GUCY2C: variants seen among roughly 807,000 people sequenced by gnomAD.
GUCY2C encodes the protein guanylyl cyclase C.
GUCY2C carries 118 observed loss-of-function variants against 131.1 expected under a neutral mutation model. The observed-to-expected ratio is 0.90, with a 90% CI of 0.78 to 1.05. The LOEUF (loss-of-function observed/expected upper bound fraction) is 1.05, where lower values mean the gene tolerates loss of function less well. Among genes scored for constraint, GUCY2C ranks in the 50% least tolerant of loss-of-function variants. The pLI, the probability that GUCY2C is intolerant of heterozygous loss-of-function variation, is 0.00. For synonymous variants in GUCY2C, 452 were observed against 457.8 expected (o/e 0.99, Z 0.16); for missense variants, 1,161 against 1,304.4 (o/e 0.89, Z 1.69).
chr12:14,636,021 C>A (rs1023129960), intron 19 of GUCY2C, among the ~76,000 whole-genome samples: 2 of 152,056 alleles, frequency 1.3e-5, no homozygotes, highest in African/African-American at 4.8e-5. Context: ...CTGAATTATG[C>A]CAAACTTCCA....
chr12:14,616,783 C>G, intron 24 of GUCY2C, 56 bp from the exon 25 acceptor site: 5 of 949,082 alleles, frequency 5.3e-6, no homozygotes, highest in Non-Finnish European at 7.0e-6. Context: ...CTATTTGTTT[C>G]CCGTTGATTC....
At position 14,621,129 on chromosome 12, in the gene GUCY2C, C is replaced by T. The variant is rs1946887467; in HGVS notation, c.2689G>A (p.Ala897Thr). 6.2e-7 allele frequency: 1 copy of T among 1,613,504 alleles called. No individual in the cohort carries two copies. Among genetic ancestry groups the T allele is most frequent in the Non-Finnish European group, 8.5e-7 (1 of 1,179,474 alleles). ...CCCATGAAGCTGAGGATTTCCAAGG[C>T]CATCTTGGCAATGTCTATTGCATGC... Reference protein sequence around the residue: ...NRHAIDIAKMALEILSFMGTF... With the variant: ...NRHAIDIAKMTLEILSFMGTF... Residue 897 changes from alanine (A) to threonine (T), a missense_variant, in exon 23 of 27, where the codon GCC (alanine) becomes ACC (threonine). Coordinates refer to ENST00000261170, the MANE Select transcript of GUCY2C (RefSeq NM_004963.4).
intron 6 of GUCY2C, 22 bp downstream of exon 6, chr12:14,679,635 T>C: frequency 8.5e-7 from 1 of 1,183,428 alleles, no homozygotes; most frequent in South Asian, 1.2e-5. Context: ...AGGAGGAGGG[T>C]TTTTCCAAAT....
chr12:14,678,695 C>T (rs540907131), intron 6 of GUCY2C, among the ~76,000 whole-genome samples: 2 of 152,242 alleles, frequency 1.3e-5, no homozygotes, highest in African/African-American at 4.8e-5. Flanking sequence ...AAGATCTAGA[C>T]AGGAGCAGCC....
In GUCY2C at chr12:14,661,021, C is replaced by A; in HGVS notation, c.1324G>T (p.Ala442Ser). ...GCGACGAGCAGGAGCAGCACCACAG[C>A]TCCAGTGAGGGTGAAGACTGCAATC... The part of the protein sequence containing the change: ...LMIAVFTLTG[A>S]VVLLLLVALL... Residue 442 changes from alanine to serine, a missense_variant, in exon 11 of 27, where the codon GCT (alanine) becomes TCT (serine). Physicochemically the swap from Ala to Ser is moderately conservative, Grantham distance 99. Transcript: ENST00000261170. 6 of 1,613,526 alleles carry A rather than the reference C, an allele frequency of 3.7e-6. No homozygotes were observed. Among genetic ancestry groups the A allele is most frequent in the Non-Finnish European group, 5.1e-6 (6 of 1,179,472 alleles).
At chr12:14,675,207 CAAAAAA>C (rs35870014) in intron 7 of GUCY2C, among the ~76,000 whole-genome samples, 2 of 34,788 alleles carry the variant, frequency 5.7e-5, no homozygotes, top group East Asian at 8.9e-4. Context: ...AACTCCATCT[CAAAAAA>C]AAAAAAAAAA....
chr12:14,676,396 T>C (rs1193603812), intron 7 of GUCY2C, among the ~76,000 whole-genome samples: 1 of 152,232 alleles, frequency 6.6e-6, no homozygotes, highest in African/African-American at 2.4e-5. Context: ...TGGAAGACAA[T>C]GTCTTAACCT....
At position 14,642,314 on chromosome 12, in the gene GUCY2C, T is replaced by C. The variant is rs141983817; in HGVS notation, c.1931-1095A>G. The stretch of plus-strand genomic sequence containing the variant: ...AGTTTTGAATCCTTATTACACACCT[T>C]ATTTAGTAATAACGGGCATGCAATT... On this transcript the variant is annotated intron_variant, in intron 17 of 26. Coordinates refer to ENST00000261170, the MANE Select transcript of GUCY2C (RefSeq NM_004963.4). Among the ~76,000 whole-genome samples, 154 of 152,338 alleles carry C rather than the reference T, an allele frequency of 1.0e-3. 1 individual carries two copies. The highest frequency in any genetic ancestry group is 3.6e-3 in the African/African-American group (150 of 41,570).
In GUCY2C at chr12:14,641,128, G is replaced by A. The variant is rs10772800; in HGVS notation, c.2022C>T (p.Ile674=). 1,551,643 of 1,613,586 alleles carry A rather than the reference G, an allele frequency of 0.96. 755,917 individuals are homozygous for A. The highest frequency in any genetic ancestry group is 0.99 in the Non-Finnish European group (1,167,330 of 1,179,900). ...YSYGIIAQEI[I]LRKETFYTLS... The stretch of plus-strand genomic sequence containing the variant: ...AAGTGTAGAAGGTTTCTTTCCGCAG[G>A]ATGATCTCCTGTGCGATGATCCCAT... Residue 674 remains isoleucine, a synonymous_variant, in exon 18 of 27, where the codon ATC becomes ATT. Transcript: ENST00000261170.
intron 11 of GUCY2C, among the ~76,000 whole-genome samples, chr12:14,659,552 G>T (rs189910049): frequency 2.0e-5 from 3 of 152,188 alleles, no homozygotes; most frequent in Non-Finnish European, 4.4e-5. Flanking sequence ...TATTCTCTTT[G>T]TATGCTTCCA....
chr12:14,668,778 C>T (rs974780495), intron 10 of GUCY2C, among the ~76,000 whole-genome samples: 4 of 152,060 alleles, frequency 2.6e-5, no homozygotes, highest in Non-Finnish European at 4.4e-5. Flanking sequence ...CCTGAGGCCT[C>T]GTTGCCCAGG....
chr12:14,617,134 T>G (rs190980212), intron 24 of GUCY2C, among the ~76,000 whole-genome samples: 1 of 152,276 alleles, frequency 6.6e-6, no homozygotes, highest in African/African-American at 2.4e-5. Context: ...TGCTCCTGCT[T>G]TGTCTTCTGC....
At chr12:14,683,822 C>T (rs1948402822) in intron 3 of GUCY2C, among the ~76,000 whole-genome samples, 1 of 152,182 alleles carries the variant, frequency 6.6e-6, no homozygotes, top group East Asian at 1.9e-4. Context: ...TCAGAATTCT[C>T]TTTCATTTCT....
In GUCY2C at chr12:14,621,069, T is replaced by C. The variant is rs1592076541; in HGVS notation, c.2749A>G (p.Ile917Val). 1 of 1,613,952 alleles carries C rather than the reference T, an allele frequency of 6.2e-7. No individual in the cohort carries two copies. ...GAGTGAACTCCAATGCGAATCCATATTGGGAGGCCAGGAAGATGCTCCAGC... is the reference window on the plus strand; with the variant it reads ...GAGTGAACTCCAATGCGAATCCATACTGGGAGGCCAGGAAGATGCTCCAGC... ...FELEHLPGLPIWIRIGVHSGP... is the reference protein window; with the variant it reads ...FELEHLPGLPVWIRIGVHSGP... Residue 917 changes from isoleucine (I) to valine (V), a missense_variant, in exon 23 of 27, where the codon ATA becomes GTA. Transcript: ENST00000261170.
chr12:14,682,148 CTT>C lies in GUCY2C; in HGVS notation c.612-673_612-672del, dbSNP rs1322140276. Among the ~76,000 whole-genome samples, 12 of 152,232 alleles carry C rather than the reference CTT, an allele frequency of 7.9e-5. No individual in the cohort carries two copies. The East Asian group carries it at 2.3e-3, about 29-fold the overall frequency. ...CCACCTTTGTTGGAGTTGAATGAAT[CTT>C]TCCATTTTATTTTAGTAATGATACC... is the stretch of plus-strand genomic sequence containing the variant. On this transcript the variant is annotated intron_variant, in intron 4 of 26. Coordinates refer to ENST00000261170, the MANE Select transcript of GUCY2C (RefSeq NM_004963.4).
At position 14,674,719 on chromosome 12, in the gene GUCY2C, C is replaced by G. The variant is rs770330427; in HGVS notation, c.990G>C (p.Leu330=). ...DFALAYLNGI[L]LFGHMLKIFL... ...ATATCTTCAGCATATGTCCAAAGAG[C>G]AGGATTCCATTCAAATAGGCAAGAG... is the stretch of plus-strand genomic sequence containing the variant. The change falls in exon 8 of 27, where the codon CTG becomes CTC. Residue 330 remains leucine, a synonymous_variant. Transcript: ENST00000261170. The G allele has an allele frequency of 5.0e-6, 8 of 1,611,664 alleles. No homozygotes were observed. In the East Asian group the frequency reaches 1.8e-4, roughly 36 times the overall value.
intron 19 of GUCY2C, among the ~76,000 whole-genome samples, chr12:14,634,478 G>A (rs1947218784): frequency 6.6e-6 from 1 of 151,948 alleles, no homozygotes; most frequent in Admixed American, 6.6e-5. Context: ...CACACAAAGA[G>A]GGAAGAGAAG....
intron 3 of GUCY2C, 146 bp from the exon 4 acceptor site, chr12:14,683,403 G>T: frequency 1.6e-6 from 1 of 614,542 alleles, no homozygotes. Context: ...ATGTATATAG[G>T]TGTCTTTCTC....
At chr12:14,668,078 A>G (rs1419402454) in intron 10 of GUCY2C, among the ~76,000 whole-genome samples, 3 of 138,426 alleles carry the variant, frequency 2.2e-5, no homozygotes, top group Non-Finnish European at 3.0e-5. Context: ...ATCATGGCTC[A>G]CTGCAGCCCC....
Sources: gnomAD v4.1 joint callset for allele counts (sites outside exome capture counted in the v4.1 genomes callset) on GRCh38, gnomAD v4.1.1 for gene constraint, MANE v1.5 for transcripts, NCBI Gene and HGNC (gene_info 2026-07-23, HGNC 2026-07-21) for gene names.